Variants in PPP6C observed in about 807,000 individuals in gnomAD.
PPP6C encodes serine/threonine-protein phosphatase 6 catalytic subunit.
In PPP6C, 11 loss-of-function variants were observed where a neutral mutation model predicts 39.8. That is an observed-to-expected ratio of 0.28 (90% CI 0.17 to 0.46). The LOEUF is 0.46. PPP6C is among the 20% of genes least tolerant of loss of function. The pLI is 1.00. For synonymous variants in PPP6C, 129 were observed against 130.3 expected (o/e 0.99, Z 0.07); for missense variants, 211 against 373.9 (o/e 0.56, Z 3.59).
At chr9:125,169,605 A>G (rs1829098091) in intron 2 of PPP6C, among the ~76,000 whole-genome samples, 1 of 152,098 alleles carries the variant, frequency 6.6e-6, no homozygotes, top group Non-Finnish European at 1.5e-5. Flanking sequence ...GAAGTTACAT[A>G]GAAACTTCTA....
intron 1 of PPP6C, among the ~76,000 whole-genome samples, chr9:125,189,400 G>C (rs1276262527): frequency 6.6e-6 from 1 of 152,252 alleles, no homozygotes; most frequent in Non-Finnish European, 1.5e-5. Context: ...AAGGCCAGAA[G>C]GGGCGACCCT....
chr9:125,156,960 C>T (rs1398171925), intron 4 of PPP6C, among the ~76,000 whole-genome samples: 2 of 151,934 alleles, frequency 1.3e-5, no homozygotes, highest in Admixed American at 6.6e-5. Flanking sequence ...ATTACAGGCC[C>T]CCACCACCAT....
chr9:125,175,469 T>TA (rs1829276916), intron 1 of PPP6C, among the ~76,000 whole-genome samples: 1 of 151,292 alleles, frequency 6.6e-6, no homozygotes, highest in Non-Finnish European at 1.5e-5. Context: ...AAACCCCGTC[T>TA]CTACTAAAAA....
chr9:125,171,173 C>A lies in PPP6C; in HGVS notation c.83G>T (p.Cys28Phe). Residue 28 changes from cysteine to phenylalanine, a missense_variant, in exon 2 of 7, where the codon TGT becomes TTT. Transcript: ENST00000373547. ...YLPENDLKRL[C>F]DYVCDLLLEE... ...TAAGAGGAGGTCACAAACGTAGTCA[C>A]ATAGCCGCTATAAAAAGAGAAAATA... 6.3e-7 allele frequency: 1 copy of A among 1,579,424 alleles called. No homozygotes were observed.
chr9:125,180,142 C>G (rs1829391603), intron 1 of PPP6C, among the ~76,000 whole-genome samples: 1 of 152,112 alleles, frequency 6.6e-6, no homozygotes, highest in African/African-American at 2.4e-5. Flanking sequence ...CTCCCCTCAT[C>G]CCCATACCAA....
intron 2 of PPP6C, among the ~76,000 whole-genome samples, chr9:125,161,351 C>T (rs756806058): frequency 6.6e-6 from 1 of 152,186 alleles, no homozygotes; most frequent in Non-Finnish European, 1.5e-5. Flanking sequence ...GATCTTCCCA[C>T]ATTCTACAGT....
At chr9:125,159,519 T>C (rs1828808456) in intron 3 of PPP6C, among the ~76,000 whole-genome samples, 1 of 152,122 alleles carries the variant, frequency 6.6e-6, no homozygotes, top group African/African-American at 2.4e-5. Context: ...AATAATTTTT[T>C]ATTTTAAGAA....
In PPP6C at chr9:125,162,090, CA is replaced by C. The variant is rs200905430; in HGVS notation, c.172-1185del. Among the ~76,000 whole-genome samples the C allele has an allele frequency of 6.4e-3, 676 of 105,542 alleles. 2 individuals are homozygous for C. Among genetic ancestry groups the C allele is most frequent in the Admixed American group, 0.013 (115 of 9,146 alleles). 69.2% of individuals were successfully genotyped at this position (105,542 alleles called of 152,430 possible). ...TGTTCCATAAGTCTAAAAAGTCAGA[CA>C]AAAAAAAAAAAACAACTTTAGGAAG... is the stretch of plus-strand genomic sequence containing the variant. On this transcript the variant is annotated intron_variant, in intron 2 of 6. Transcript: ENST00000373547.
chr9:125,169,739 A>C (rs1245498599), intron 2 of PPP6C, among the ~76,000 whole-genome samples: 1 of 152,204 alleles, frequency 6.6e-6, no homozygotes, highest in African/African-American at 2.4e-5. Flanking sequence ...GTTACATGGA[A>C]ATTTTAGGAA....
At chr9:125,180,826 A>G (rs1202066041) in intron 1 of PPP6C, among the ~76,000 whole-genome samples, 2 of 152,176 alleles carry the variant, frequency 1.3e-5, no homozygotes, top group Admixed American at 6.5e-5. Flanking sequence ...CACCCCATAC[A>G]CTATGTGCTA....
chr9:125,173,425 A>AAAAAG (rs1829218960), intron 1 of PPP6C, among the ~76,000 whole-genome samples: 1 of 149,466 alleles, frequency 6.7e-6, no homozygotes, highest in Non-Finnish European at 1.5e-5. Flanking sequence ...AAAAAAAAAA[A>AAAAAG]AAAAGTAGCC....
intron 1 of PPP6C, among the ~76,000 whole-genome samples, chr9:125,181,975 A>G (rs933153683): frequency 1.3e-5 from 2 of 152,106 alleles, no homozygotes; most frequent in Admixed American, 6.6e-5. Flanking sequence ...TTGTTTCCTA[A>G]CTTTTTAATG....
rs1829390705 is a variant in PPP6C, at chr9:125,180,082, T to A, written c.76-8902A>T. On this transcript the variant is annotated intron_variant, in intron 1 of 6. Coordinates refer to ENST00000373547, the MANE Select transcript of PPP6C (RefSeq NM_002721.5). ...TGGCAACCATCACCATAATCAATTTTAGGACACTTTCATCACCCCAAAAAG... is the reference window on the plus strand; with the variant it reads ...TGGCAACCATCACCATAATCAATTTAAGGACACTTTCATCACCCCAAAAAG... Among the ~76,000 whole-genome samples the A allele has an allele frequency of 2.0e-5, 3 of 152,182 alleles. No individual in the cohort carries two copies. The South Asian group carries it at 6.2e-4, about 31-fold the overall frequency.
chr9:125,173,532 C>T (rs1178551074), intron 1 of PPP6C, among the ~76,000 whole-genome samples: 1 of 151,290 alleles, frequency 6.6e-6, no homozygotes, highest in Non-Finnish European at 1.5e-5. Context: ...AAACCGAGGT[C>T]GCGCCACTGC....
At chr9:125,152,806 G>C (rs1188953571) in intron 6 of PPP6C, among the ~76,000 whole-genome samples, 2 of 151,566 alleles carry the variant, frequency 1.3e-5, no homozygotes, top group African/African-American at 2.4e-5. Flanking sequence ...CTCCAGCCTG[G>C]GCAACATGAG....
At chr9:125,178,141 A>G (rs1829343495) in intron 1 of PPP6C, among the ~76,000 whole-genome samples, 1 of 152,216 alleles carries the variant, frequency 6.6e-6, no homozygotes, top group Admixed American at 6.5e-5. Flanking sequence ...TATGGACATA[A>G]GTTTACAACT....
At chr9:125,152,117 G>T (rs1485724840) in intron 6 of PPP6C, among the ~76,000 whole-genome samples, 1 of 152,078 alleles carries the variant, frequency 6.6e-6, no homozygotes, top group African/African-American at 2.4e-5. Context: ...GGTAGGGGGT[G>T]GGGGGTGGTT....
intron 3 of PPP6C, among the ~76,000 whole-genome samples, chr9:125,159,789 C>T (rs995303405): frequency 1.3e-5 from 2 of 152,084 alleles, no homozygotes; most frequent in South Asian, 2.1e-4. Flanking sequence ...AGGCAGGGGC[C>T]GAGGTGGGCG....
At chr9:125,156,582 T>C (rs557679153) in intron 4 of PPP6C, among the ~76,000 whole-genome samples, 1 of 152,286 alleles carries the variant, frequency 6.6e-6, no homozygotes, top group South Asian at 2.1e-4. Flanking sequence ...CAGCCTATCT[T>C]TATAATGAAA....
Sources: gnomAD v4.1 joint callset for allele counts (sites outside exome capture counted in the v4.1 genomes callset) on GRCh38, gnomAD v4.1.1 for gene constraint, MANE v1.5 for transcripts, NCBI Gene and HGNC (gene_info 2026-07-23, HGNC 2026-07-21) for gene names.